CCDC39: variants seen among roughly 807,000 people sequenced by gnomAD.
The protein encoded by CCDC39 is coiled-coil domain 39 molecular ruler complex subunit.
A neutral mutation model predicts 121.0 loss-of-function variants in CCDC39; 113 were observed. That is an observed-to-expected ratio of 0.93 (90% CI 0.80 to 1.09). The LOEUF (loss-of-function observed/expected upper bound fraction) is 1.09. Ranked by LOEUF, CCDC39 falls within the 50% of genes least tolerant of loss-of-function variation. CCDC39 has a pLI of 0.00. For missense variants in CCDC39, 1,063 were observed against 1,074.7 expected, an observed-to-expected ratio of 0.99 and a Z score of 0.15; for synonymous variants, 349 against 352.2, an observed-to-expected ratio of 0.99 and a Z score of 0.10.
chr3:180,630,458 T>C (rs1717666653), intron 14 of CCDC39, among the ~76,000 whole-genome samples: 1 of 151,898 alleles, frequency 6.6e-6, no homozygotes, highest in African/African-American at 2.4e-5. Flanking sequence ...AGGAGAAAAT[T>C]TGGCCAATTA....
chr3:180,621,573 C>T (rs1163168311), intron 14 of CCDC39, among the ~76,000 whole-genome samples: 1 of 151,888 alleles, frequency 6.6e-6, no homozygotes, highest in African/African-American at 2.4e-5. Flanking sequence ...CCTTAGCCCA[C>T]TTTTTTTTCT....
chr3:180,638,239 T>C (rs1717876879), intron 13 of CCDC39, among the ~76,000 whole-genome samples: 1 of 152,152 alleles, frequency 6.6e-6, no homozygotes, highest in Non-Finnish European at 1.5e-5. Context: ...CCAGTTTCCC[T>C]ACAAAATAAA....
Position 180,644,145 on chromosome 3 carries a change from A to C in CCDC39, c.1640T>G (p.Leu547Arg). Residue 547 changes from leucine (L) to arginine (R), a missense_variant, in exon 12 of 20, where the codon CTT (leucine) becomes CGT (arginine). Physicochemically the swap from Leu to Arg is moderately radical, Grantham distance 102. Transcript: ENST00000476379. ...NLFIDRSEKE[L>R]DKAKGFKQDL... is the part of the protein sequence containing the mutation. Reference sequence around the variant, plus strand: ...CTGCTTAAAACCTTTGGCTTTATCAAGTTCTTTCTCTGATCTGTCGATGAA... The same window carrying C: ...CTGCTTAAAACCTTTGGCTTTATCACGTTCTTTCTCTGATCTGTCGATGAA... 6.5e-7 allele frequency: 1 copy of C among 1,545,190 alleles called. No homozygotes were observed. Among genetic ancestry groups the C allele is most frequent in the Non-Finnish European group, 8.7e-7 (1 of 1,144,542 alleles).
At chr3:180,669,061 G>T (rs1468412207) in intron 1 of CCDC39, among the ~76,000 whole-genome samples, 1 of 152,174 alleles carries the variant, frequency 6.6e-6, no homozygotes, top group African/African-American at 2.4e-5. Context: ...AGAGGAAGCA[G>T]ATTCATAACT....
chr3:180,635,628 T>C (rs1339793401), intron 13 of CCDC39, among the ~76,000 whole-genome samples: 1 of 152,176 alleles, frequency 6.6e-6, no homozygotes, highest in Non-Finnish European at 1.5e-5. Flanking sequence ...AATCTCCTTT[T>C]ACTCCATGTC....
chr3:180,668,803 T>C (rs572999874), intron 1 of CCDC39, among the ~76,000 whole-genome samples: 38 of 152,270 alleles, frequency 2.5e-4, no homozygotes, highest in Admixed American at 2.6e-4. Flanking sequence ...TCTAGAGTAA[T>C]GCCTAGAACA....
chr3:180,647,982 G>A (rs1314349822), intron 10 of CCDC39, among the ~76,000 whole-genome samples, 183 bp downstream of exon 10: 3 of 151,888 alleles, frequency 2.0e-5, no homozygotes, highest in East Asian at 1.9e-4. Context: ...CAGATTGAGG[G>A]GAAAAAATAG....
chr3:180,648,382 T>C (rs761175019), intron 9 of CCDC39, 23 bp from the exon 10 acceptor site: 2 of 1,375,182 alleles, frequency 1.5e-6, no homozygotes, highest in African/African-American at 2.9e-5. Context: ...ATTATAGTGA[T>C]TAATGGAATT....
rs773922265 is a variant in CCDC39, at chr3:180,648,228, G to C, written c.1299C>G (p.Leu433=). The change falls in exon 10 of 20, where the codon CTC becomes CTG. Residue 433 remains leucine (L), a synonymous_variant. Coordinates refer to ENST00000476379, the MANE Select transcript of CCDC39 (RefSeq NM_181426.2). Reference sequence around the variant, plus strand: ...AATCCAGTTTTTGTAACTGATGGTTGAGATGTTTCAGAGAGGAACGAGTTC... The same window carrying C: ...AATCCAGTTTTTGTAACTGATGGTTCAGATGTTTCAGAGAGGAACGAGTTC... ...IEGTRSSLKH[L]NHQLQKLDFE... The C allele has an allele frequency of 6.2e-7, 1 of 1,613,464 alleles. No individual in the cohort carries two copies. Among genetic ancestry groups the C allele is most frequent in the East Asian group, 2.2e-5 (1 of 44,818 alleles).
Position 180,651,549 on chromosome 3 carries a change from C to T in CCDC39, c.1035-16G>A. 2.0e-6 allele frequency: 3 copies of T among 1,503,280 alleles called. No homozygotes were observed. Among genetic ancestry groups the T allele is most frequent in the Admixed American group, 2.6e-5 (1 of 38,334 alleles). The allele number at this position is 1,503,280 out of a possible 1,614,324, so 93.1% of individuals were successfully genotyped here. A position where few individuals can be genotyped will look rare whatever the true frequency, so the allele number is the denominator to read the frequency against. ...TTTTTGTAACCTGAAGAGGGTTTATCACAAAAAGATAGAAAACGTGCCTAA... is the reference window on the plus strand; with the variant it reads ...TTTTTGTAACCTGAAGAGGGTTTATTACAAAAAGATAGAAAACGTGCCTAA... On this transcript the variant is annotated splice_polypyrimidine_tract_variant and intron_variant, in intron 8 of 19. Coordinates refer to ENST00000476379, the MANE Select transcript of CCDC39 (RefSeq NM_181426.2).
At position 180,679,374 on chromosome 3, in the gene CCDC39, T is replaced by G. The variant is rs757699907; in HGVS notation, c.7A>C (p.Ser3Arg). The change falls in exon 1 of 20, where the codon AGC becomes CGC. Residue 3 changes from serine to arginine, a missense_variant. Physicochemically the swap from Ser to Arg is moderately radical, Grantham distance 110 (BLOSUM62 -1). Transcript: ENST00000476379. This position sits in a 1 kb window ranked among gnomAD's most constrained non-coding sequence, Gnocchi z 4.0. Reference sequence around the variant, plus strand: ...CAGTGCAGCTCAGCCAGGAATTCGCTACTCATGACTGCAAACGGATAGAGA... The same window carrying G: ...CAGTGCAGCTCAGCCAGGAATTCGCGACTCATGACTGCAAACGGATAGAGA... MS[S>R]EFLAELHWED... 3 of 1,613,664 alleles carry G rather than the reference T, an allele frequency of 1.9e-6. No homozygotes were observed. In the East Asian group the frequency reaches 6.7e-5, roughly 36 times the overall value.
At chr3:180,664,219 T>C (rs1333312993) in intron 1 of CCDC39, among the ~76,000 whole-genome samples, 1 of 152,208 alleles carries the variant, frequency 6.6e-6, no homozygotes, top group Non-Finnish European at 1.5e-5. Flanking sequence ...CTAATATGAT[T>C]CCTGGTGAGG....
chr3:180,655,183 A>G (rs1711552048), intron 6 of CCDC39, among the ~76,000 whole-genome samples: 2 of 152,080 alleles, frequency 1.3e-5, no homozygotes, highest in South Asian at 4.1e-4. Context: ...ATATATCTGG[A>G]ATTTTGCTAA....
At chr3:180,663,427 C>G in intron 2 of CCDC39, among the ~76,000 whole-genome samples, 1 of 152,076 alleles carries the variant, frequency 6.6e-6, no homozygotes, top group African/African-American at 2.4e-5. Context: ...AGTCGCAGCA[C>G]TTTGGGAGGC....
At position 180,651,464 on chromosome 3, in the gene CCDC39, C is replaced by T. The variant is rs1718206625; in HGVS notation, c.1104G>A (p.Met368Ile). Reference sequence around the variant, plus strand: ...AATTAGTAGCTTTCTCTTCTACAGACATGGTTTTCTCAGTTATCTCCTTTA... The same window carrying T: ...AATTAGTAGCTTTCTCTTCTACAGATATGGTTTTCTCAGTTATCTCCTTTA... The part of the protein sequence containing the change: ...TKLKEITEKT[M>I]SVEEKATNLE... The change falls in exon 9 of 20, where the codon ATG (methionine) becomes ATA (isoleucine). Residue 368 changes from methionine to isoleucine, a missense_variant. By Grantham distance (10) the Met-to-Ile change is conservative. Coordinates refer to ENST00000476379, the MANE Select transcript of CCDC39 (RefSeq NM_181426.2). The T allele has an allele frequency of 6.4e-7, 1 of 1,552,846 alleles. No individual in the cohort carries two copies.
rs1459003890 is a variant in CCDC39, at chr3:180,679,441, C to A, written c.-61G>T. ...TCCGCCTTCTTGTACAGCGGGTGAG[C>A]AGCACCCGCGTCAAGCCCAGGCACC... On this transcript the variant is annotated 5_prime_UTR_variant, in exon 1 of 20. Transcript: ENST00000476379. The surrounding 1 kb of genome is among the most constrained non-coding windows in gnomAD (Gnocchi z 4.0). 3.4e-6 allele frequency: 5 copies of A among 1,480,856 alleles called. No individual in the cohort carries two copies. The South Asian group carries it at 3.4e-5, about 10-fold the overall frequency. The allele number at this position is 1,480,856 out of a possible 1,614,324, so 91.7% of individuals were successfully genotyped here.
rs764346278 is a variant in CCDC39, at chr3:180,616,573, A to T, written c.2529T>A (p.Val843=). 6.2e-7 allele frequency: 1 copy of T among 1,602,534 alleles called. No homozygotes were observed. Among genetic ancestry groups the T allele is most frequent in the African/African-American group, 1.3e-5 (1 of 74,566 alleles). The change falls in exon 18 of 20, where the codon GTT becomes GTA. Residue 843 remains valine, a synonymous_variant. Transcript: ENST00000476379. ...TCTCAGTATTTTCTTCTATGATATC[A>T]ACTAACATTTCATCAATAACTTTGT... ...QFHKVIDEML[V]DIIEENTEIR... is the part of the protein sequence containing the mutation.
At position 180,647,224 on chromosome 3, in the gene CCDC39, A is replaced by G. The variant is rs1285251229; in HGVS notation, c.1382T>C (p.Val461Ala). 1 of 1,601,048 alleles carries G rather than the reference A, an allele frequency of 6.2e-7. No homozygotes were observed. Among genetic ancestry groups the G allele is most frequent in the East Asian group, 2.2e-5 (1 of 44,666 alleles). Residue 461 changes from valine to alanine, a missense_variant, in exon 11 of 20, where the codon GTG (valine) becomes GCG (alanine). Coordinates refer to ENST00000476379, the MANE Select transcript of CCDC39 (RefSeq NM_181426.2). ...MYSQDFHIQQ[V>A]ERRMSRLKGE... ...CTTTAACCGTGACATTCTCCGTTCC[A>G]CTTGTTGAATGTGAAAATCCTGTTA...
At chr3:180,669,371 C>T (rs1560094879) in intron 1 of CCDC39, among the ~76,000 whole-genome samples, 1 of 152,064 alleles carries the variant, frequency 6.6e-6, no homozygotes, top group Admixed American at 6.6e-5. Flanking sequence ...TTTTAAAGAG[C>T]CCTAGGCATT....
Sources: allele counts gnomAD v4.1 joint callset (sites outside exome capture counted in the v4.1 genomes callset), GRCh38; gene constraint gnomAD v4.1.1; non-coding constraint Gnocchi (gnomAD v3.1); transcripts MANE v1.5; gene names NCBI Gene and HGNC (gene_info 2026-07-23, HGNC 2026-07-21).